BBS9: variants seen among roughly 807,000 people sequenced by gnomAD.
BBS9 encodes Bardet-Biedl syndrome 9.
Under a neutral mutation model 117.7 loss-of-function variants are expected in BBS9, and 89 were observed. The observed-to-expected ratio is 0.76, with a 90% CI of 0.64 to 0.90. The LOEUF is 0.90. Among genes scored for constraint, BBS9 ranks in the 40% least tolerant of loss-of-function variants. The pLI is 0.00. For missense variants in BBS9, 982 were observed against 1,042.2 expected (o/e 0.94, Z 0.80); for synonymous variants, 379 against 370.9 (o/e 1.02, Z -0.25).
At chr7:33,567,225 C>G (rs1857052457) in intron 21 of BBS9, among the ~76,000 whole-genome samples, 1 of 152,108 alleles carries the variant, frequency 6.6e-6, no homozygotes, top group South Asian at 2.1e-4. Flanking sequence ...TTTATGTGAC[C>G]TGAAAAATAT....
rs191349806 is a variant in BBS9 at position 33,379,254 on chromosome 7, T to C, written c.1790-4412T>C. On this transcript the variant is annotated intron_variant, in intron 17 of 22. Coordinates refer to ENST00000242067, the MANE Select transcript of BBS9 (RefSeq NM_198428.3). Reference sequence around the variant, plus strand: ...TACTTCATTCAGGTACCTTGAATTATATATGTGTCTTTTTACTTCTGGGGC... The same window carrying C: ...TACTTCATTCAGGTACCTTGAATTACATATGTGTCTTTTTACTTCTGGGGC... Among the ~76,000 whole-genome samples, 731 of 152,348 alleles carry C rather than the reference T, an allele frequency of 4.8e-3. 10 individuals carry two copies. Among genetic ancestry groups the C allele is most frequent in the African/African-American group, 0.017 (689 of 41,576 alleles).
At position 33,405,896 on chromosome 7, in the gene BBS9, G is replaced by A. The variant is rs554482447; in HGVS notation, c.2115+17752G>A. Among the ~76,000 whole-genome samples, 1,283 of 152,172 alleles carry A rather than the reference G, an allele frequency of 8.4e-3. 21 individuals carry two copies. Among genetic ancestry groups the A allele is most frequent in the South Asian group, 0.045 (219 of 4,826 alleles). ...TCTTGCCTTCTGCTAGCTTTTGAAT[G>A]TGTTTGCTATTGCTTTTCTAGTTCT... On this transcript the variant is annotated intron_variant, in intron 19 of 22. Coordinates refer to ENST00000242067, the MANE Select transcript of BBS9 (RefSeq NM_198428.3).
At chr7:33,345,324 A>C (rs1331812807) in intron 12 of BBS9, among the ~76,000 whole-genome samples, 1 of 152,246 alleles carries the variant, frequency 6.6e-6, no homozygotes, top group Non-Finnish European at 1.5e-5. Flanking sequence ...GCACATTATT[A>C]AGCTGAAAAT....
intron 9 of BBS9, among the ~76,000 whole-genome samples, chr7:33,301,219 A>G (rs1034055729): frequency 1.3e-5 from 2 of 152,088 alleles, no homozygotes; most frequent in African/African-American, 2.4e-5. Flanking sequence ...TGGGATATCT[A>G]CATTAGGGTA....
At chr7:33,395,926 G>T (rs562256917) in intron 19 of BBS9, among the ~76,000 whole-genome samples, 14 of 152,272 alleles carry the variant, frequency 9.2e-5, no homozygotes, top group African/African-American at 3.1e-4. Flanking sequence ...TTTCATGGAT[G>T]TGGTGATGTT....
At chr7:33,322,161 G>A (rs1811856544) in intron 9 of BBS9, among the ~76,000 whole-genome samples, 1 of 151,832 alleles carries the variant, frequency 6.6e-6, no homozygotes, top group Admixed American at 6.6e-5. Context: ...ATGTTCATCA[G>A]TTTTATTGGC....
At chr7:33,232,477 C>G (rs1583774787) in intron 5 of BBS9, among the ~76,000 whole-genome samples, 1 of 152,010 alleles carries the variant, frequency 6.6e-6, no homozygotes, top group East Asian at 1.9e-4. Flanking sequence ...TAAATCCTCC[C>G]TTCCTGGGTT....
At chr7:33,217,317 G>A (rs142618889) in intron 5 of BBS9, among the ~76,000 whole-genome samples, 1 of 151,998 alleles carries the variant, frequency 6.6e-6, no homozygotes, top group Admixed American at 6.6e-5. Flanking sequence ...TAAACAGGTT[G>A]TGTATTATTA....
At chr7:33,256,557 T>G (rs968458666) in intron 5 of BBS9, among the ~76,000 whole-genome samples, 27 of 152,192 alleles carry the variant, frequency 1.8e-4, no homozygotes, top group African/African-American at 6.0e-4. Context: ...TGATTGTCCT[T>G]AGTCAGATAC....
intron 5 of BBS9, among the ~76,000 whole-genome samples, chr7:33,206,970 A>T (rs1461850583): frequency 2.0e-5 from 3 of 151,800 alleles, no homozygotes; most frequent in African/African-American, 7.3e-5. Context: ...ATACCATTAA[A>T]TTTTTTTTCT....
chr7:33,603,371 A>T (rs1253556720), intron 21 of BBS9, among the ~76,000 whole-genome samples: 1 of 150,870 alleles, frequency 6.6e-6, no homozygotes, highest in Non-Finnish European at 1.5e-5. Flanking sequence ...TTGCCTTTTT[A>T]CTCAGTTGGA....
rs116811236 is a variant in BBS9, at chr7:33,193,705, A to G, written c.442+16114A>G. Among the ~76,000 whole-genome samples the G allele has an allele frequency of 2.3e-3, 345 of 152,274 alleles. 4 individuals are homozygous for G. Among genetic ancestry groups the G allele is most frequent in the African/African-American group, 7.6e-3 (316 of 41,554 alleles). On this transcript the variant is annotated intron_variant, in intron 5 of 22. Transcript: ENST00000242067. ...GGGAGGAAGAAGGGTTGTCTGTAGC[A>G]GCCTTACTGTAGGATTTGGCTTCAA...
chr7:33,249,861 A>T (rs1284288432), intron 5 of BBS9, among the ~76,000 whole-genome samples: 1 of 152,132 alleles, frequency 6.6e-6, no homozygotes, highest in Non-Finnish European at 1.5e-5. Context: ...TTGCCTCTGC[A>T]TCTTTTTCTG....
At chr7:33,512,413 CT>C (rs772503158) in intron 20 of BBS9, among the ~76,000 whole-genome samples, 5 of 152,020 alleles carry the variant, frequency 3.3e-5, no homozygotes, top group East Asian at 1.9e-4. Context: ...AATAAGGAGA[CT>C]AAAAAAACAA....
chr7:33,390,815 C>A (rs1396255603), intron 19 of BBS9, among the ~76,000 whole-genome samples: 1 of 152,028 alleles, frequency 6.6e-6, no homozygotes, highest in Admixed American at 6.6e-5. Context: ...CTTTTTTTGG[C>A]ACATAGAAAT....
intron 9 of BBS9, among the ~76,000 whole-genome samples, chr7:33,297,582 G>T (rs1457047389): frequency 6.6e-6 from 1 of 152,082 alleles, no homozygotes; most frequent in East Asian, 1.9e-4. Context: ...AAGCAAGAAG[G>T]AATAAACTCT....
At chr7:33,152,640 C>T (rs568886417) in intron 2 of BBS9, 61 bp from the exon 3 acceptor site, 133 of 1,471,388 alleles carry the variant, frequency 9.0e-5, no homozygotes, top group Non-Finnish European at 1.2e-4. Flanking sequence ...AAGCTTATTT[C>T]CTAAGAGATT....
At chr7:33,401,716 T>G (rs572124919) in intron 19 of BBS9, among the ~76,000 whole-genome samples, 2 of 152,296 alleles carry the variant, frequency 1.3e-5, no homozygotes, top group East Asian at 3.9e-4. Context: ...TGATGCAGAT[T>G]AAACCTTCAG....
chr7:33,436,061 T>TGC (rs1428746925), intron 19 of BBS9, among the ~76,000 whole-genome samples: 1 of 152,198 alleles, frequency 6.6e-6, no homozygotes, highest in African/African-American at 2.4e-5. Context: ...TTTTGTAAAG[T>TGC]GCCGTGCAAG....
Sources: allele counts gnomAD v4.1 joint callset (sites outside exome capture counted in the v4.1 genomes callset), GRCh38; gene constraint gnomAD v4.1.1; transcripts MANE v1.5; gene names NCBI Gene and HGNC (gene_info 2026-07-23, HGNC 2026-07-21).